Variants in PACRG observed in about 807,000 individuals in gnomAD.
The protein encoded by PACRG is parkin coregulated gene protein.
In PACRG, 29 loss-of-function variants were observed where a neutral mutation model predicts 29.7. The ratio of observed to expected loss-of-function variants is 0.98; its 90% confidence interval spans 0.73 to 1.33. The LOEUF (loss-of-function observed/expected upper bound fraction) is 1.33. PACRG is among the 40% of genes most tolerant of loss of function. The pLI is 0.00. For missense variants in PACRG, 279 were observed against 316.2 expected, an observed-to-expected ratio of 0.88 and a Z score of 0.89; for synonymous variants, 116 against 118.7, an observed-to-expected ratio of 0.98 and a Z score of 0.15.
At chr6:163,139,271 C>G (rs1442136094) in intron 4 of PACRG, among the ~76,000 whole-genome samples, 2 of 152,166 alleles carry the variant, frequency 1.3e-5, no homozygotes, top group East Asian at 1.9e-4. Flanking sequence ...GTCCAAATCC[C>G]CCTCTGCTTC....
intron 4 of PACRG, among the ~76,000 whole-genome samples, chr6:163,158,360 G>A (rs1424512255): frequency 1.3e-5 from 2 of 152,208 alleles, no homozygotes; most frequent in African/African-American, 4.8e-5. Flanking sequence ...GCCTGGTTGA[G>A]CTGAACCACG....
At chr6:162,841,504 T>C (rs1303283224) in intron 2 of PACRG, among the ~76,000 whole-genome samples, 3 of 152,202 alleles carry the variant, frequency 2.0e-5, no homozygotes, top group Non-Finnish European at 4.4e-5. Context: ...TTATTAGTCT[T>C]GCTAGCAGTC....
chr6:162,825,003 T>TC (rs930918531), intron 2 of PACRG, among the ~76,000 whole-genome samples: 1 of 152,228 alleles, frequency 6.6e-6, no homozygotes, highest in African/African-American at 2.4e-5. Context: ...TTTTGCCAGT[T>TC]CATAAATGGT....
chr6:163,077,966 C>T (rs563248), intron 3 of PACRG, among the ~76,000 whole-genome samples: 81,105 of 151,990 alleles, frequency 0.53, 24,959 homozygotes, highest in East Asian at 0.96. Context: ...CAAGGCACAG[C>T]ATGTTTAAAG....
At chr6:163,091,245 C>T (rs1271997466) in intron 4 of PACRG, among the ~76,000 whole-genome samples, 5 of 152,128 alleles carry the variant, frequency 3.3e-5, no homozygotes, top group East Asian at 1.9e-4. Flanking sequence ...ATATTGCTGC[C>T]GCAAAGACAG....
intron 3 of PACRG, among the ~76,000 whole-genome samples, chr6:163,085,472 T>C (rs946219535): frequency 1.3e-5 from 2 of 152,136 alleles, no homozygotes; most frequent in Admixed American, 6.5e-5. Context: ...TCACCCTCCT[T>C]TTGTATGCAC....
chr6:163,062,441 T>A (rs577110533), intron 3 of PACRG, 120 bp downstream of exon 3: 143 of 1,194,424 alleles, frequency 1.2e-4, no homozygotes, highest in Non-Finnish European at 1.5e-4. Flanking sequence ...GGAATTTTCA[T>A]AAATTGACTT....
chr6:163,078,510 G>GA (rs1456837672), intron 3 of PACRG, among the ~76,000 whole-genome samples: 2 of 151,298 alleles, frequency 1.3e-5, no homozygotes, highest in African/African-American at 2.4e-5. Flanking sequence ...AAAAGGGGGG[G>GA]AGGGGGGCAA....
intron 4 of PACRG, among the ~76,000 whole-genome samples, chr6:163,232,317 C>G (rs1056758364): frequency 6.6e-6 from 1 of 152,204 alleles, no homozygotes; most frequent in Non-Finnish European, 1.5e-5. Flanking sequence ...AGAGGCTCCT[C>G]CGCTGCTGCA....
intron 2 of PACRG, among the ~76,000 whole-genome samples, chr6:163,009,492 T>G (rs1168905334): frequency 6.6e-6 from 1 of 152,224 alleles, no homozygotes; most frequent in Non-Finnish European, 1.5e-5. Context: ...ATGATTTCAA[T>G]AGCAATAAAG....
At chr6:163,038,872 T>C (rs1011379245) in intron 2 of PACRG, among the ~76,000 whole-genome samples, 1 of 152,200 alleles carries the variant, frequency 6.6e-6, no homozygotes, top group African/African-American at 2.4e-5. Flanking sequence ...CACAGTTACA[T>C]GACTTTAGGT....
intron 2 of PACRG, among the ~76,000 whole-genome samples, chr6:162,904,821 G>A (rs958240545): frequency 1.3e-5 from 2 of 152,202 alleles, no homozygotes; most frequent in Non-Finnish European, 2.9e-5. Context: ...AAAGAGTAAG[G>A]AGATGATATG....
chr6:162,900,026 G>A (rs2128055872), intron 2 of PACRG, among the ~76,000 whole-genome samples: 1 of 152,236 alleles, frequency 6.6e-6, no homozygotes, highest in East Asian at 1.9e-4. Flanking sequence ...CTGGCTGTGG[G>A]GAAGGGCGGG....
At chr6:163,173,745 A>C (rs1779209470) in intron 4 of PACRG, among the ~76,000 whole-genome samples, 1 of 152,226 alleles carries the variant, frequency 6.6e-6, no homozygotes, top group South Asian at 2.1e-4. Flanking sequence ...AGGGCACCTC[A>C]ATGGGTGTCT....
At chr6:163,056,438 C>G (rs1810597752) in intron 2 of PACRG, among the ~76,000 whole-genome samples, 1 of 152,170 alleles carries the variant, frequency 6.6e-6, no homozygotes, top group South Asian at 2.1e-4. Context: ...CTGTGTCAAC[C>G]TACCCCTAAG....
chr6:162,974,671 G>C (rs1014488775), intron 2 of PACRG, among the ~76,000 whole-genome samples: 2 of 152,146 alleles, frequency 1.3e-5, no homozygotes, highest in Non-Finnish European at 2.9e-5. Flanking sequence ...AAATAATGAT[G>C]ATGATATTAA....
chr6:162,830,316 C>T (rs1788643009), intron 2 of PACRG, among the ~76,000 whole-genome samples: 1 of 152,156 alleles, frequency 6.6e-6, no homozygotes. Flanking sequence ...TCATGCCTCT[C>T]ACTTCCTGTG....
At chr6:163,203,387 G>A (rs533158842) in intron 4 of PACRG, among the ~76,000 whole-genome samples, 3 of 152,178 alleles carry the variant, frequency 2.0e-5, no homozygotes, top group African/African-American at 4.8e-5. Context: ...CACTCCAGCC[G>A]GGCGACAGAG....
In PACRG at chr6:163,060,147, G is replaced by A. The variant is rs75201684; in HGVS notation, c.292-2003G>A. Among the ~76,000 whole-genome samples the A allele has an allele frequency of 3.5e-3, 535 of 152,146 alleles. 3 individuals are homozygous for A. Among genetic ancestry groups the A allele is most frequent in the African/African-American group, 0.012 (512 of 41,532 alleles). On this transcript the variant is annotated intron_variant, in intron 2 of 4. Coordinates refer to ENST00000366888, the MANE Select transcript of PACRG (RefSeq NM_001080379.2). ...AAAAATAAGATGACAGAAGTTAAAT[G>A]AGACCATAAATGTCAATGACTTAAT...
Sources: gnomAD v4.1 joint callset for allele counts (sites outside exome capture counted in the v4.1 genomes callset) on GRCh38, gnomAD v4.1.1 for gene constraint, MANE v1.5 for transcripts, NCBI Gene and HGNC (gene_info 2026-07-23, HGNC 2026-07-21) for gene names.